Variants in CDH12 observed in about 807,000 individuals in gnomAD.
CDH12 encodes the protein cadherin 12.
In CDH12, 41 loss-of-function variants were observed where a neutral mutation model predicts 74.1. The observed-to-expected ratio is 0.55, with a 90% CI of 0.43 to 0.72. The LOEUF (loss-of-function observed/expected upper bound fraction) is 0.72. Ranked by LOEUF, CDH12 falls within the 30% of genes least tolerant of loss-of-function variation. The probability of loss-of-function intolerance (pLI) is 0.00; values close to 1 mark genes in which losing one functional copy is unlikely to be tolerated. For missense variants in CDH12, 945 were observed against 977.2 expected (o/e 0.97, Z 0.44); for synonymous variants, 399 against 355.0 (o/e 1.12, Z -1.39).
chr5:22,750,187 G>A (rs2127032883), intron 1 of CDH12, among the ~76,000 whole-genome samples: 1 of 152,208 alleles, frequency 6.6e-6, no homozygotes, highest in South Asian at 2.1e-4. Context: ...GGAGAGATTA[G>A]GAAAGTGAAC....
intron 6 of CDH12, among the ~76,000 whole-genome samples, chr5:21,921,064 T>C (rs1423062647): frequency 6.6e-6 from 1 of 152,218 alleles, no homozygotes; most frequent in African/African-American, 2.4e-5. Flanking sequence ...GCATTAAAAT[T>C]GTCATCTCTC....
chr5:22,238,872 TCA>T (rs2150379551), intron 3 of CDH12, among the ~76,000 whole-genome samples: 1 of 152,324 alleles, frequency 6.6e-6, no homozygotes, highest in African/African-American at 2.4e-5. Flanking sequence ...GGCTTAAGTA[TCA>T]AATAATGTCC....
Position 22,503,742 on chromosome 5 carries a change from G to T in CDH12, c.-428+1528C>A, listed in dbSNP as rs368936871. 1.3e-4 allele frequency among the ~76,000 whole-genome samples: 20 copies of T among 152,118 alleles called. No homozygotes were observed. The East Asian group carries it at 3.1e-3, about 24-fold the overall frequency. ...CTTATCGTTGTACATAGCACAGAGT[G>T]AACCAAAGGACATTTGGGAGGAGTA... On this transcript the variant is annotated intron_variant, in intron 2 of 14. Coordinates refer to ENST00000382254, the MANE Select transcript of CDH12 (RefSeq NM_004061.5).
rs1012874845 is a variant in CDH12, at chr5:21,750,926, T to C, written c.*811A>G. 10 of 146,708 alleles carry C rather than the reference T, an allele frequency of 6.8e-5. No individual in the cohort carries two copies. The highest frequency in any genetic ancestry group is 2.5e-4 in the African/African-American group (10 of 39,542). 9.1% of individuals were successfully genotyped at this position (146,708 alleles called of 1,614,324 possible). ...TAATTTGAGCCCTGAGGCCTCTCTT[T>C]ATAAAGAGGAATATTTTTTCTTTTT... On this transcript the variant is annotated 3_prime_UTR_variant, in exon 15 of 15. Coordinates refer to ENST00000382254, the MANE Select transcript of CDH12 (RefSeq NM_004061.5).
chr5:22,075,926 G>A (rs1742284907), intron 5 of CDH12, among the ~76,000 whole-genome samples: 1 of 151,990 alleles, frequency 6.6e-6, no homozygotes, highest in African/African-American at 2.4e-5. Context: ...ATGAGTGGAA[G>A]CATAAATATA....
At chr5:22,744,883 G>A (rs1009180441) in intron 1 of CDH12, among the ~76,000 whole-genome samples, 7 of 152,084 alleles carry the variant, frequency 4.6e-5, no homozygotes, top group South Asian at 2.1e-4. Context: ...CTGCAACCTC[G>A]TCTGTAAATG....
rs182274910 is a variant in CDH12, at chr5:22,061,956, C to T, written c.231+16490G>A. ...TCACTTTAAAGTAACTATAGTCAGG[C>T]AGACATCCATAAATAAGAAAGAGAT... On this transcript the variant is annotated intron_variant, in intron 5 of 14. Transcript: ENST00000382254. Among the ~76,000 whole-genome samples, 568 of 151,920 alleles carry T rather than the reference C, an allele frequency of 3.7e-3. 10 individuals carry two copies. The highest frequency in any genetic ancestry group is 0.013 in the African/African-American group (535 of 41,462).
chr5:22,295,661 A>C (rs1430419454), intron 3 of CDH12, among the ~76,000 whole-genome samples: 3 of 152,152 alleles, frequency 2.0e-5, no homozygotes, highest in Non-Finnish European at 2.9e-5. Flanking sequence ...GGAAATTCAG[A>C]AGCCTTTGAA....
intron 1 of CDH12, among the ~76,000 whole-genome samples, chr5:22,797,735 A>G (rs952492672): frequency 1.3e-5 from 2 of 151,864 alleles, no homozygotes; most frequent in African/African-American, 4.9e-5. Flanking sequence ...CCTCATTTAA[A>G]TTGTAAATCT....
intron 5 of CDH12, among the ~76,000 whole-genome samples, chr5:22,059,030 A>C (rs1740967585): frequency 6.6e-6 from 1 of 152,154 alleles, no homozygotes; most frequent in South Asian, 2.1e-4. Context: ...TGTAGACATA[A>C]GAAAAACATT....
At position 22,155,764 on chromosome 5, in the gene CDH12, G is replaced by T. The variant is rs577038566; in HGVS notation, c.-187+56734C>A. ...AAGGAAATATATTCCTAAACAATAG[G>T]AAGAAACACAGGCAACACTGATGTA... On this transcript the variant is annotated intron_variant, in intron 4 of 14. Coordinates refer to ENST00000382254, the MANE Select transcript of CDH12 (RefSeq NM_004061.5). Among the ~76,000 whole-genome samples, 4 of 152,172 alleles carry T rather than the reference G, an allele frequency of 2.6e-5. No homozygotes were observed. The East Asian group carries it at 7.7e-4, about 29-fold the overall frequency.
At chr5:22,009,466 C>T (rs1737160721) in intron 5 of CDH12, among the ~76,000 whole-genome samples, 1 of 152,084 alleles carries the variant, frequency 6.6e-6, no homozygotes, top group African/African-American at 2.4e-5. Flanking sequence ...AATTTCCCCC[C>T]AAATTTCTTG....
At chr5:22,679,066 G>T (rs1741358156) in intron 1 of CDH12, among the ~76,000 whole-genome samples, 1 of 152,084 alleles carries the variant, frequency 6.6e-6, no homozygotes, top group Non-Finnish European at 1.5e-5. Context: ...ATCACCAGCT[G>T]CATGTTGCAA....
At chr5:22,622,327 T>A (rs934615441) in intron 1 of CDH12, among the ~76,000 whole-genome samples, 1 of 151,764 alleles carries the variant, frequency 6.6e-6, no homozygotes, top group Admixed American at 6.6e-5. Flanking sequence ...GATTGGCATG[T>A]CTTCAGAGAG....
At chr5:22,009,639 A>T (rs1371068243) in intron 5 of CDH12, among the ~76,000 whole-genome samples, 2 of 152,160 alleles carry the variant, frequency 1.3e-5, no homozygotes, top group African/African-American at 4.8e-5. Flanking sequence ...TAAATAAATC[A>T]TTAATTTTGA....
chr5:21,880,518 T>C (rs56006020), intron 6 of CDH12, among the ~76,000 whole-genome samples: 799 of 42,370 alleles, frequency 0.019, 87 homozygotes, highest in African/African-American at 0.045. Flanking sequence ...TCCCTCCCTC[T>C]TTTCTTTCTT....
intron 4 of CDH12, among the ~76,000 whole-genome samples, chr5:22,117,713 T>C (rs1211754983): frequency 3.3e-5 from 5 of 150,044 alleles, no homozygotes; most frequent in South Asian, 4.2e-4. Flanking sequence ...AGCAAAGATA[T>C]GTGAGACAAA....
At chr5:22,454,631 C>T (rs1745192168) in intron 2 of CDH12, among the ~76,000 whole-genome samples, 1 of 152,076 alleles carries the variant, frequency 6.6e-6, no homozygotes, top group African/African-American at 2.4e-5. Flanking sequence ...TGCTACCACA[C>T]CCAGCTAATT....
chr5:21,761,227 A>T (rs16888447), intron 12 of CDH12, among the ~76,000 whole-genome samples: 3 of 152,236 alleles, frequency 2.0e-5, no homozygotes, highest in Non-Finnish European at 4.4e-5. Flanking sequence ...GTTTTTAATA[A>T]GCACTATCAT....
Sources: allele counts gnomAD v4.1 joint callset (sites outside exome capture counted in the v4.1 genomes callset), GRCh38; gene constraint gnomAD v4.1.1; transcripts MANE v1.5; gene names NCBI Gene and HGNC (gene_info 2026-07-23, HGNC 2026-07-21).